The following RNF122 variants were observed in gnomAD, a reference collection of about 807,000 sequenced individuals.
The protein encoded by RNF122 is ring finger protein 122.
RNF122 carries 17 observed loss-of-function variants against 24.2 expected under a neutral mutation model. That is an observed-to-expected ratio of 0.70 (90% CI 0.48 to 1.06). The LOEUF (loss-of-function observed/expected upper bound fraction) is 1.06, where lower values mean the gene tolerates loss of function less well. Among genes scored for constraint, RNF122 ranks in the 50% least tolerant of loss-of-function variants. RNF122 has a pLI of 0.00. For synonymous variants in RNF122, 65 were observed against 71.8 expected, an observed-to-expected ratio of 0.91 and a Z score of 0.48; for missense variants, 168 against 198.1, an observed-to-expected ratio of 0.85 and a Z score of 0.91.
intron 1 of RNF122, among the ~76,000 whole-genome samples, chr8:33,565,388 T>TTC (rs397812974): frequency 2.0e-4 from 30 of 151,030 alleles, no homozygotes; most frequent in African/African-American, 7.3e-4. Context: ...ATGATTTTTT[T>TTC]CCCCCTGTAA....
chr8:33,565,089 G>A (rs1056227155), intron 1 of RNF122, among the ~76,000 whole-genome samples: 8 of 151,900 alleles, frequency 5.3e-5, no homozygotes, highest in Non-Finnish European at 1.2e-4. Flanking sequence ...ACAAGGGCTG[G>A]CCAAGAAAGA....
In RNF122 at chr8:33,549,450, C is replaced by A; in HGVS notation, c.313G>T (p.Glu105Ter). The A allele has an allele frequency of 3.7e-6, 6 of 1,614,168 alleles. No individual in the cohort carries two copies. Among genetic ancestry groups the A allele is most frequent in the Non-Finnish European group, 5.1e-6 (6 of 1,179,998 alleles). ...VCLEDFKGKD[E>*]LGVLPCQHAF... is the part of the protein sequence containing the mutation. ...TGTTGGCACGGGAGCACGCCTAACT[C>A]ATCCTTCCCCTTGAAGTCTTCCAGA... Residue 105 changes from glutamate to a stop codon, truncating the protein, a stop_gained, in exon 5 of 6, where the codon GAG becomes TAG. Transcript: ENST00000256257. LOFTEE classifies it high-confidence loss of function.
At chr8:33,548,945 C>T (rs1810330372) in intron 5 of RNF122, 78 bp from the exon 6 acceptor site, 2 of 1,028,532 alleles carry the variant, frequency 1.9e-6, no homozygotes, top group Non-Finnish European at 1.5e-6. Flanking sequence ...CAAGAATATC[C>T]CGTGGTGGCT....
At position 33,551,380 on chromosome 8, in the gene RNF122, C is replaced by T. The variant is rs767120987; in HGVS notation, c.192G>A (p.Arg64=). 1 of 1,614,052 alleles carries T rather than the reference C, an allele frequency of 6.2e-7. No homozygotes were observed. Among genetic ancestry groups the T allele is most frequent in the South Asian group, 1.1e-5 (1 of 91,070 alleles). ...CGTATCGCTCACTCTGTGCCTGGTT[C>T]CGCAGTTTGCTGGGAGAAAGAGAAA... ...IFCCYFISKL[R]NQAQSERYGY... is the part of the protein sequence containing the mutation. Residue 64 remains arginine (R), a synonymous_variant, in exon 3 of 6, where the codon CGG becomes CGA. Transcript: ENST00000256257.
chr8:33,554,155 G>A (rs1810416228), intron 2 of RNF122, among the ~76,000 whole-genome samples: 3 of 152,204 alleles, frequency 2.0e-5, no homozygotes, highest in Admixed American at 1.3e-4. Flanking sequence ...TTCAGCAGAG[G>A]TGGGAAGGAA....
At chr8:33,565,705 T>C (rs1271727006) in intron 1 of RNF122, among the ~76,000 whole-genome samples, 3 of 152,018 alleles carry the variant, frequency 2.0e-5, no homozygotes, top group East Asian at 3.9e-4. Context: ...GGGCGAGGGG[T>C]TGTCGCGTCT....
At position 33,566,981 on chromosome 8, in the gene RNF122, CCCG is replaced by C; in HGVS notation, c.-261_-259del. On this transcript the variant is annotated 5_prime_UTR_variant, in exon 1 of 6. Transcript: ENST00000256257. ...CGCACGGAGCGCACGCGCCAAGGGC[CCCG>C]GGCTGGGGGAATGTGGGGCGCCGCG... The C allele has an allele frequency of 2.0e-6, 1 of 506,902 alleles. No individual in the cohort carries two copies. The highest frequency in any genetic ancestry group is 3.5e-6 in the Non-Finnish European group (1 of 282,326). The allele number at this position is 506,902 out of a possible 1,614,324, so 31.4% of individuals were successfully genotyped here.
chr8:33,561,680 C>G (rs966090456), intron 1 of RNF122, among the ~76,000 whole-genome samples: 16 of 152,108 alleles, frequency 1.1e-4, no homozygotes, highest in Admixed American at 9.8e-4. Context: ...GTAGCTAGGA[C>G]TATAGGTGTA....
intron 1 of RNF122, among the ~76,000 whole-genome samples, chr8:33,566,128 C>T (rs921616878): frequency 2.6e-5 from 4 of 152,184 alleles, no homozygotes; most frequent in Non-Finnish European, 4.4e-5. Flanking sequence ...GCTGGGATTA[C>T]AGGCGTGAGC....
intron 2 of RNF122, among the ~76,000 whole-genome samples, chr8:33,556,461 G>C (rs1051594438): frequency 1.3e-5 from 2 of 152,018 alleles, no homozygotes; most frequent in Non-Finnish European, 2.9e-5. Context: ...GTATGCTTCT[G>C]TGTGTGTGTG....
chr8:33,560,293 C>G (rs376367992), intron 1 of RNF122, among the ~76,000 whole-genome samples: 24 of 152,322 alleles, frequency 1.6e-4, no homozygotes, highest in East Asian at 7.7e-4. Context: ...TCCCTTCCCC[C>G]CTTGCCAGTA....
At chr8:33,555,202 T>TTTTG (rs956454465) in intron 2 of RNF122, among the ~76,000 whole-genome samples, 1 of 152,046 alleles carries the variant, frequency 6.6e-6, no homozygotes, top group South Asian at 2.1e-4. Context: ...TTGGGTTTTT[T>TTTTG]TTTGTTTGTT....
chr8:33,560,169 G>A (rs1810519340), intron 1 of RNF122, among the ~76,000 whole-genome samples: 1 of 151,932 alleles, frequency 6.6e-6, no homozygotes, highest in African/African-American at 2.4e-5. Context: ...AAGCTCCTCA[G>A]GTGATTCCCC....
chr8:33,548,814 G>A lies in RNF122; in HGVS notation c.407C>T (p.Pro136Leu). 6.2e-7 allele frequency: 1 copy of A among 1,613,970 alleles called. No individual in the cohort carries two copies. The highest frequency in any genetic ancestry group is 8.5e-7 in the Non-Finnish European group (1 of 1,179,996). Residue 136 changes from proline to leucine, a missense_variant, in exon 6 of 6, where the codon CCC (proline) becomes CTC (leucine). By Grantham distance (98) the Pro-to-Leu change is moderately conservative. Coordinates refer to ENST00000256257, the MANE Select transcript of RNF122 (RefSeq NM_024787.3). Reference protein sequence around the residue: ...VRCVCPMCNKPIASPSEATQN... With the variant: ...VRCVCPMCNKLIASPSEATQN... ...CGTGGCCTCTGAGGGACTAGCAATGGGCTTGTTACACATGGGGCAGACACA... is the reference window on the plus strand; with the variant it reads ...CGTGGCCTCTGAGGGACTAGCAATGAGCTTGTTACACATGGGGCAGACACA...
chr8:33,550,301 A>G (rs1810355582), intron 4 of RNF122, among the ~76,000 whole-genome samples: 1 of 152,184 alleles, frequency 6.6e-6, no homozygotes, highest in African/African-American at 2.4e-5. Flanking sequence ...CAGTTGAATT[A>G]TTCTCTGAGA....
Position 33,550,223 on chromosome 8 carries a change from G to A in RNF122, c.271-731C>T, listed in dbSNP as rs148779291. 1.8e-3 allele frequency among the ~76,000 whole-genome samples: 278 copies of A among 152,128 alleles called. 3 individuals are homozygous for A. The highest frequency in any genetic ancestry group is 6.3e-3 in the African/African-American group (261 of 41,522). On this transcript the variant is annotated intron_variant, in intron 4 of 5. Transcript: ENST00000256257. ...TCTGGGATTACAGGCATGAGCCACC[G>A]CACCTGGCCCAGTTACATTCTTTAA... is the stretch of plus-strand genomic sequence containing the variant.
chr8:33,552,689 G>C (rs926714160), intron 2 of RNF122, among the ~76,000 whole-genome samples: 3 of 152,106 alleles, frequency 2.0e-5, no homozygotes, highest in Non-Finnish European at 4.4e-5. Context: ...TTATACACTG[G>C]ATTTTTTGCC....
At chr8:33,559,086 G>A (rs1297000874) in intron 1 of RNF122, among the ~76,000 whole-genome samples, 5 of 151,966 alleles carry the variant, frequency 3.3e-5, no homozygotes, top group African/African-American at 1.2e-4. Context: ...AGGTGATCTC[G>A]AGGCCAAGAG....
intron 1 of RNF122, among the ~76,000 whole-genome samples, chr8:33,559,169 G>A (rs547031631): frequency 2.2e-4 from 33 of 152,118 alleles, no homozygotes; most frequent in Middle Eastern, 6.8e-3. Context: ...GCATGGTAGC[G>A]CATGTACTAC....
Sources: gnomAD v4.1 joint callset for allele counts (sites outside exome capture counted in the v4.1 genomes callset) on GRCh38, gnomAD v4.1.1 for gene constraint, MANE v1.5 for transcripts, NCBI Gene and HGNC (gene_info 2026-07-23, HGNC 2026-07-21) for gene names.